ZNF541: variants seen among roughly 807,000 people sequenced by gnomAD.
The protein encoded by ZNF541 is zinc finger protein 541.
Under a neutral mutation model 123.5 loss-of-function variants are expected in ZNF541, and 23 were observed. That is an observed-to-expected ratio of 0.19 (90% confidence interval 0.13 to 0.26). The LOEUF (loss-of-function observed/expected upper bound fraction) is 0.26, where lower values mean the gene tolerates loss of function less well. Ranked by LOEUF, ZNF541 falls within the 10% of genes least tolerant of loss-of-function variation. The pLI, the probability that ZNF541 is intolerant of heterozygous loss-of-function variation, is 1.00. For missense variants in ZNF541, 1,612 were observed against 1,789.9 expected, an observed-to-expected ratio of 0.90 and a Z score of 1.79; for synonymous variants, 751 against 754.5, an observed-to-expected ratio of 1.00 and a Z score of 0.08.
intron 8 of ZNF541, among the ~76,000 whole-genome samples, chr19:47,539,493 G>C (rs1356434552): frequency 6.6e-6 from 1 of 151,870 alleles, no homozygotes. Context: ...GTAGACACAG[G>C]GTTTCACCAT....
chr19:47,531,563 C>T, intron 12 of ZNF541, 79 bp downstream of exon 12: 3 of 1,176,984 alleles, frequency 2.5e-6, no homozygotes, highest in Non-Finnish European at 3.5e-6. Flanking sequence ...GCTCTGAACC[C>T]CCAAGCAGAC....
At chr19:47,560,792 T>C (rs1333381518) in intron 2 of ZNF541, among the ~76,000 whole-genome samples, 2 of 152,092 alleles carry the variant, frequency 1.3e-5, no homozygotes, top group African/African-American at 4.8e-5. Flanking sequence ...TGTTCATAAC[T>C]GCCCAAAACT....
intron 3 of ZNF541, among the ~76,000 whole-genome samples, chr19:47,553,503 G>A (rs1970693660): frequency 6.6e-6 from 1 of 150,454 alleles, no homozygotes; most frequent in African/African-American, 2.5e-5. Context: ...CCGACTCCCT[G>A]GTTCAAGCGA....
intron 8 of ZNF541, among the ~76,000 whole-genome samples, chr19:47,539,158 C>G (rs1348753543): frequency 3.3e-5 from 5 of 152,144 alleles, no homozygotes; most frequent in African/African-American, 9.7e-5. Context: ...ACTAGGAGCC[C>G]TGGGAGGCAG....
Position 47,521,291 on chromosome 19 carries a change from C to G in ZNF541, c.3974G>C (p.Trp1325Ser), listed in dbSNP as rs374622717. ...CTTTAGCTGGAAGGGCTTCACTGGC[C>G]ACTTCACCCTGATGATGGGCTCCAC... ...DHVEPIIRVKWPVKPFQLKEE... is the reference protein window; with the variant it reads ...DHVEPIIRVKSPVKPFQLKEE... Residue 1325 changes from tryptophan (W) to serine (S), a missense_variant, in exon 17 of 17, where the codon TGG becomes TCG. Trp to Ser is a radical substitution (Grantham distance 177). Coordinates refer to ENST00000391901, the MANE Select transcript of ZNF541 (RefSeq NM_001277075.3). This position sits in a 1 kb window ranked among gnomAD's most constrained non-coding sequence, Gnocchi z 4.2. 1 of 1,551,754 alleles carries G rather than the reference C, an allele frequency of 6.4e-7. No homozygotes were observed. Among genetic ancestry groups the G allele is most frequent in the African/African-American group, 1.4e-5 (1 of 73,166 alleles).
At chr19:47,561,222 C>G (rs1971049291) in intron 2 of ZNF541, among the ~76,000 whole-genome samples, 1 of 152,022 alleles carries the variant, frequency 6.6e-6, no homozygotes, top group South Asian at 2.1e-4. Flanking sequence ...ACCTGTAATC[C>G]CAGCACTTTG....
chr19:47,559,656 C>A (rs967827536), intron 2 of ZNF541, among the ~76,000 whole-genome samples: 2 of 152,022 alleles, frequency 1.3e-5, no homozygotes, highest in Non-Finnish European at 2.9e-5. Flanking sequence ...TTGAGACCAG[C>A]CTGGCCAGCA....
chr19:47,544,912 G>A lies in ZNF541; in HGVS notation c.1617C>T (p.Arg539=). Reference sequence around the variant, plus strand: ...GTTCCTGCGACTTGAGGAAGAGCTGGCGGAAGAGCGGCGAGGCATCCGCAG... The same window carrying A: ...GTTCCTGCGACTTGAGGAAGAGCTGACGGAAGAGCGGCGAGGCATCCGCAG... ...GLPADASPLF[R]QLFLKSQEPL... is the part of the protein sequence containing the mutation. The change falls in exon 5 of 17, where the codon CGC becomes CGT. Residue 539 remains arginine (R), a synonymous_variant. Transcript: ENST00000391901. 6.5e-7 allele frequency: 1 copy of A among 1,535,872 alleles called. No homozygotes were observed. The highest frequency in any genetic ancestry group is 8.7e-7 in the Non-Finnish European group (1 of 1,146,688).
intron 3 of ZNF541, among the ~76,000 whole-genome samples, chr19:47,552,804 A>G (rs1970660821): frequency 6.6e-6 from 1 of 151,286 alleles, no homozygotes; most frequent in Non-Finnish European, 1.5e-5. Context: ...CTAGAAAACA[A>G]AACGTTTTTA....
intron 13 of ZNF541, among the ~76,000 whole-genome samples, chr19:47,529,321 C>T (rs1039525232): frequency 6.6e-6 from 1 of 152,182 alleles, no homozygotes; most frequent in African/African-American, 2.4e-5. Context: ...AGCCCATCTT[C>T]CCTCCCCCTG....
chr19:47,533,979 C>T (rs928245675), intron 9 of ZNF541, among the ~76,000 whole-genome samples: 16 of 152,186 alleles, frequency 1.1e-4, no homozygotes, highest in Non-Finnish European at 8.8e-5. Flanking sequence ...ACAGGGGCTG[C>T]CTCTCCTGTC....
intron 4 of ZNF541, among the ~76,000 whole-genome samples, chr19:47,547,849 C>A (rs1041513678): frequency 6.6e-6 from 1 of 151,470 alleles, no homozygotes. Context: ...CCGAGTCACG[C>A]AGATCACTTG....
intron 2 of ZNF541, among the ~76,000 whole-genome samples, chr19:47,563,034 TTC>T (rs1327836295): frequency 6.6e-6 from 1 of 152,230 alleles, no homozygotes; most frequent in East Asian, 1.9e-4. Flanking sequence ...GGCCACCAGT[TTC>T]TACTTTCTAA....
chr19:47,528,675 T>A (rs934273255), intron 14 of ZNF541, among the ~76,000 whole-genome samples: 1 of 152,008 alleles, frequency 6.6e-6, no homozygotes, highest in African/African-American at 2.4e-5. Flanking sequence ...CAGACAGAAA[T>A]GCCTGTTGCT....
At chr19:47,534,384 C>T (rs1305775210) in intron 9 of ZNF541, among the ~76,000 whole-genome samples, 1 of 152,176 alleles carries the variant, frequency 6.6e-6, no homozygotes, top group Non-Finnish European at 1.5e-5. Flanking sequence ...GATGCAGTGG[C>T]TCACGCCTGT....
chr19:47,554,110 T>C (rs943910483), intron 3 of ZNF541, among the ~76,000 whole-genome samples: 1 of 152,170 alleles, frequency 6.6e-6, no homozygotes, highest in Non-Finnish European at 1.5e-5. Flanking sequence ...TGCAAGACTA[T>C]GTATGTCTGA....
intron 2 of ZNF541, among the ~76,000 whole-genome samples, chr19:47,570,166 C>T (rs759505866): frequency 6.6e-6 from 1 of 151,326 alleles, no homozygotes; most frequent in Non-Finnish European, 1.5e-5. Context: ...CCCAGCTACT[C>T]GGGAGGCTGA....
At chr19:47,529,498 G>A (rs1158745930) in intron 13 of ZNF541, 79 bp downstream of exon 13, 1 of 1,427,098 alleles carries the variant, frequency 7.0e-7, no homozygotes, top group Admixed American at 2.0e-5. Flanking sequence ...AGGAGGCAGG[G>A]GCAGAGCTTG....
chr19:47,528,813 T>C (rs950526287), intron 14 of ZNF541, 137 bp downstream of exon 14: 7 of 646,480 alleles, frequency 1.1e-5, no homozygotes, highest in African/African-American at 3.7e-5. Flanking sequence ...CTTTTTGACA[T>C]TGTAAACTGT....
Sources: allele counts gnomAD v4.1 joint callset (sites outside exome capture counted in the v4.1 genomes callset), GRCh38; gene constraint gnomAD v4.1.1; non-coding constraint Gnocchi (gnomAD v3.1); transcripts MANE v1.5; gene names NCBI Gene and HGNC (gene_info 2026-07-23, HGNC 2026-07-21).